DRC1: variants seen among roughly 807,000 people sequenced by gnomAD.
DRC1 encodes dynein regulatory complex subunit 1.
In DRC1, 74 loss-of-function variants were observed where a neutral mutation model predicts 98.7. The observed-to-expected ratio is 0.75, with a 90% confidence interval of 0.62 to 0.91. The LOEUF (loss-of-function observed/expected upper bound fraction) is 0.91, where lower values mean the gene tolerates loss of function less well. DRC1 is among the 40% of genes least tolerant of loss of function. DRC1 has a pLI of 0.00. For missense variants in DRC1, 875 were observed against 886.0 expected (o/e 0.99, Z 0.16); for synonymous variants, 336 against 334.1 (o/e 1.01, Z -0.06).
In DRC1 at chr2:26,450,614, A is replaced by G. The variant is rs760087399; in HGVS notation, c.1622A>G (p.Asp541Gly). Residue 541 changes from aspartate to glycine, a missense_variant, in exon 13 of 17, where the codon GAT becomes GGT. By Grantham distance (94) the Asp-to-Gly change is moderately conservative (BLOSUM62 -1). Coordinates refer to ENST00000288710, the MANE Select transcript of DRC1 (RefSeq NM_145038.5). The stretch of plus-strand genomic sequence containing the variant: ...CAGGCCCTTGGAATTGAAAGTGAGG[A>G]TGACTTGTATAAACTGGTGAACTTC... ...IFSALGIESE[D>G]DLYKLVNFFL... 76 of 1,612,106 alleles carry G rather than the reference A, an allele frequency of 4.7e-5. No individual in the cohort carries two copies. The East Asian group carries it at 1.7e-3, about 35-fold the overall frequency.
intron 3 of DRC1, among the ~76,000 whole-genome samples, chr2:26,422,517 T>G (rs965085640): frequency 7.2e-5 from 11 of 152,146 alleles, no homozygotes; most frequent in African/African-American, 2.7e-4. Context: ...ATAAGCGGCT[T>G]AGAAGAATTA....
At chr2:26,410,827 C>CAGCAA (rs1553339851) in intron 1 of DRC1, among the ~76,000 whole-genome samples, 1 of 151,602 alleles carries the variant, frequency 6.6e-6, no homozygotes, top group African/African-American at 2.4e-5. Flanking sequence ...AAACAAAACA[C>CAGCAA]AACAAAACAA....
chr2:26,410,240 A>T (rs1312972624), intron 1 of DRC1, among the ~76,000 whole-genome samples: 1 of 123,642 alleles, frequency 8.1e-6, no homozygotes, highest in South Asian at 2.9e-4. Context: ...AAACTTATAG[A>T]GAAAATATTA....
intron 1 of DRC1, among the ~76,000 whole-genome samples, chr2:26,407,498 C>A (rs1240160815): frequency 6.6e-6 from 1 of 152,156 alleles, no homozygotes. Flanking sequence ...GGCCGAGAGA[C>A]CTCAAAGTTC....
At chr2:26,404,639 C>T (rs1260138116) in intron 1 of DRC1, among the ~76,000 whole-genome samples, 1 of 152,198 alleles carries the variant, frequency 6.6e-6, no homozygotes, top group Non-Finnish European at 1.5e-5. Flanking sequence ...CACCAACACC[C>T]CTGGGTGGCA....
At chr2:26,414,015 C>G (rs1398223385) in intron 1 of DRC1, among the ~76,000 whole-genome samples, 2 of 151,528 alleles carry the variant, frequency 1.3e-5, no homozygotes, top group Non-Finnish European at 2.9e-5. Flanking sequence ...CCTTGGCCTC[C>G]CAAAGCGCTG....
At chr2:26,419,716 A>C (rs1026592093) in intron 2 of DRC1, among the ~76,000 whole-genome samples, 1 of 152,240 alleles carries the variant, frequency 6.6e-6, no homozygotes, top group African/African-American at 2.4e-5. Context: ...TGGAGAGTTC[A>C]TAAGTTCCAA....
chr2:26,402,288 C>T, intron 1 of DRC1, 144 bp downstream of exon 1: 1 of 1,326,432 alleles, frequency 7.5e-7, no homozygotes. Flanking sequence ...GTGGCGCGCG[C>T]CTGTCATCCC....
chr2:26,403,950 A>C (rs1414578120), intron 1 of DRC1, among the ~76,000 whole-genome samples: 1 of 151,644 alleles, frequency 6.6e-6, no homozygotes, highest in Non-Finnish European at 1.5e-5. Flanking sequence ...AAATACAAAA[A>C]TTAGCCAGGC....
intron 10 of DRC1, 95 bp downstream of exon 10, chr2:26,445,043 G>A: frequency 2.3e-6 from 3 of 1,289,276 alleles, no homozygotes; most frequent in Non-Finnish European, 3.2e-6. Flanking sequence ...TAGGGAGGAG[G>A]GGGAAGAGTA....
At chr2:26,434,033 A>T (rs1460906915) in intron 7 of DRC1, among the ~76,000 whole-genome samples, 1 of 152,254 alleles carries the variant, frequency 6.6e-6, no homozygotes, top group African/African-American at 2.4e-5. Flanking sequence ...TTCACTAGAC[A>T]TTCAAGCCAA....
At chr2:26,402,182 A>G (rs748057555) in intron 1 of DRC1, 38 bp downstream of exon 1, 1 of 1,530,288 alleles carries the variant, frequency 6.5e-7, no homozygotes, top group African/African-American at 1.4e-5. Context: ...TCCGCGCCGC[A>G]GGAGCCGGAG....
chr2:26,455,293 G>A, intron 16 of DRC1, 60 bp downstream of exon 16: 1 of 1,529,108 alleles, frequency 6.5e-7, no homozygotes, highest in Non-Finnish European at 9.0e-7. Context: ...CAGGGGCACT[G>A]GAGCTGGGAT....
intron 4 of DRC1, among the ~76,000 whole-genome samples, chr2:26,426,174 T>C (rs1165248043): frequency 2.0e-5 from 3 of 152,194 alleles, no homozygotes; most frequent in Admixed American, 1.3e-4. Context: ...TGTATAGTCT[T>C]GTCAAAAGTC....
In DRC1 at chr2:26,456,582, T is replaced by C. The variant is rs1664184062; in HGVS notation, c.*65T>C. On this transcript the variant is annotated 3_prime_UTR_variant, in exon 17 of 17. Transcript: ENST00000288710. ...TGCTGGTGTCTGTGCCGGAGCCAGC[T>C]CATATCACCCACTGGGCCGCACCTG... The C allele has an allele frequency of 6.3e-7, 1 of 1,595,846 alleles. No individual in the cohort carries two copies. The highest frequency in any genetic ancestry group is 1.1e-5 in the South Asian group (1 of 90,358).
intron 4 of DRC1, among the ~76,000 whole-genome samples, chr2:26,428,520 C>T (rs946005044): frequency 5.9e-5 from 9 of 152,296 alleles, no homozygotes; most frequent in East Asian, 1.9e-4. Context: ...ATATTATGGC[C>T]GGGCACGGTG....
Position 26,424,121 on chromosome 2 carries a change from C to A in DRC1, c.357-150C>A, listed in dbSNP as rs77096876. On this transcript the variant is annotated intron_variant, in intron 3 of 16. Coordinates refer to ENST00000288710, the MANE Select transcript of DRC1 (RefSeq NM_145038.5). ...AGTCAAGCGTTAAACGAAAAGATTT[C>A]TCAGCATTGAGTTTGATTTTGGGCG... 6.2e-3 allele frequency: 5,369 copies of A among 870,604 alleles called. 193 individuals carry two copies. The African/African-American group carries it at 0.077, about 12-fold the overall frequency. 53.9% of individuals were successfully genotyped at this position (870,604 alleles called of 1,614,324 possible).
rs535065310 is a variant in DRC1 at position 26,424,642 on chromosome 2, A to G, written c.540+188A>G. ...AACACATAGCATTAAATTTGCCATCATAACCATTTTAAAGTGTATAGTTCA... is the reference window on the plus strand; with the variant it reads ...AACACATAGCATTAAATTTGCCATCGTAACCATTTTAAAGTGTATAGTTCA... On this transcript the variant is annotated intron_variant, in intron 4 of 16. Transcript: ENST00000288710. 2.6e-5 allele frequency among the ~76,000 whole-genome samples: 4 copies of G among 152,336 alleles called. No homozygotes were observed. The East Asian group carries it at 7.7e-4, about 29-fold the overall frequency.
chr2:26,410,145 A>G (rs1678555156), intron 1 of DRC1, among the ~76,000 whole-genome samples: 1 of 151,526 alleles, frequency 6.6e-6, no homozygotes, highest in Admixed American at 6.6e-5. Context: ...AAATAAAAAA[A>G]TTATAGAAAT....
Sources: allele counts gnomAD v4.1 joint callset (sites outside exome capture counted in the v4.1 genomes callset), GRCh38; gene constraint gnomAD v4.1.1; transcripts MANE v1.5; gene names NCBI Gene and HGNC (gene_info 2026-07-23, HGNC 2026-07-21).